The following PAG1 variants were observed in gnomAD, a reference collection of about 807,000 sequenced individuals.
PAG1 encodes phosphoprotein associated with glycosphingolipid-enriched microdomains 1.
In PAG1, 23 loss-of-function variants were observed where a neutral mutation model predicts 31.7. The observed-to-expected ratio is 0.73, with a 90% CI of 0.52 to 1.03. PAG1 has a LOEUF of 1.03. Among genes scored for constraint, PAG1 ranks in the 50% least tolerant of loss-of-function variants. The pLI, the probability that PAG1 is intolerant of heterozygous loss-of-function variation, is 0.00. For missense variants in PAG1, 473 were observed against 540.7 expected (o/e 0.87, Z 1.24); for synonymous variants, 214 against 210.3 (o/e 1.02, Z -0.15).
intron 7 of PAG1, among the ~76,000 whole-genome samples, chr8:80,983,255 C>T (rs1409703331): frequency 1.3e-5 from 2 of 152,232 alleles, no homozygotes; most frequent in African/African-American, 4.8e-5. Context: ...CCCCTTGGAT[C>T]CTTTAACTCA....
chr8:81,005,402 A>T (rs928497626), intron 3 of PAG1, among the ~76,000 whole-genome samples: 2 of 152,214 alleles, frequency 1.3e-5, no homozygotes, highest in Non-Finnish European at 2.9e-5. Context: ...AGGTGGGGGA[A>T]ATCAGTACAA....
intron 1 of PAG1, 144 bp downstream of exon 1, chr8:81,111,447 G>A (rs1809771863): frequency 6.6e-6 from 1 of 152,546 alleles, no homozygotes; most frequent in Non-Finnish European, 1.5e-5. Context: ...CAGCTGCCTT[G>A]TCCCCTTCTT....
chr8:81,074,364 A>G (rs989556884), intron 1 of PAG1, among the ~76,000 whole-genome samples: 1 of 152,182 alleles, frequency 6.6e-6, no homozygotes, highest in Non-Finnish European at 1.5e-5. Context: ...GGTGGATGCA[A>G]AAGAATAATT....
At chr8:81,025,081 G>T (rs1341166753) in intron 3 of PAG1, among the ~76,000 whole-genome samples, 6 of 152,028 alleles carry the variant, frequency 3.9e-5, no homozygotes, top group African/African-American at 1.4e-4. Context: ...AAAGGGACTG[G>T]AATTTAGAGA....
chr8:81,093,610 G>A (rs980450036), intron 1 of PAG1, among the ~76,000 whole-genome samples: 1 of 151,676 alleles, frequency 6.6e-6, no homozygotes, highest in African/African-American at 2.4e-5. Flanking sequence ...ATCATGTCTT[G>A]TATGCCATAC....
At chr8:80,999,615 C>T (rs1298174165) in intron 3 of PAG1, among the ~76,000 whole-genome samples, 1 of 152,186 alleles carries the variant, frequency 6.6e-6, no homozygotes, top group Non-Finnish European at 1.5e-5. Flanking sequence ...GTCAGCATAA[C>T]CTGGTCACTT....
chr8:81,065,383 A>G (rs769891761), intron 2 of PAG1, among the ~76,000 whole-genome samples: 2 of 152,032 alleles, frequency 1.3e-5, no homozygotes, highest in Non-Finnish European at 2.9e-5. Context: ...GTCCTGATGT[A>G]TGGAAGTCTA....
chr8:81,001,945 C>G (rs557845628), intron 3 of PAG1, among the ~76,000 whole-genome samples: 1 of 152,328 alleles, frequency 6.6e-6, no homozygotes, highest in East Asian at 1.9e-4. Flanking sequence ...CTTAACTTCA[C>G]TCTATCAGGA....
chr8:80,986,421 A>G (rs887213343), intron 6 of PAG1, among the ~76,000 whole-genome samples: 3 of 152,184 alleles, frequency 2.0e-5, no homozygotes, highest in Non-Finnish European at 4.4e-5. Context: ...AGGTAAAAGC[A>G]TGGTGTAAAC....
chr8:81,088,949 T>C (rs1224739681), intron 1 of PAG1, among the ~76,000 whole-genome samples: 1 of 152,234 alleles, frequency 6.6e-6, no homozygotes, highest in South Asian at 2.1e-4. Flanking sequence ...GAGAAAGCAT[T>C]GTACTACATT....
rs375205092 is a variant in PAG1 at position 81,093,703 on chromosome 8, A to G, written c.-234+17888T>C. Reference sequence around the variant, plus strand: ...AGACCAAGCAGCACAATATCCCCCTAGGGAAACCTGTGACAAGAAATCACC... The same window carrying G: ...AGACCAAGCAGCACAATATCCCCCTGGGGAAACCTGTGACAAGAAATCACC... On this transcript the variant is annotated intron_variant, in intron 1 of 8. Coordinates refer to ENST00000220597, the MANE Select transcript of PAG1 (RefSeq NM_018440.4). Among the ~76,000 whole-genome samples the G allele has an allele frequency of 7.2e-5, 11 of 152,036 alleles. No homozygotes were observed. In the East Asian group the frequency reaches 1.5e-3, roughly 21 times the overall value.
At chr8:81,104,554 T>A (rs1290274247) in intron 1 of PAG1, among the ~76,000 whole-genome samples, 1 of 152,166 alleles carries the variant, frequency 6.6e-6, no homozygotes, top group Non-Finnish European at 1.5e-5. Context: ...GTCCTGAATG[T>A]CCCTCTGGTG....
chr8:80,982,192 T>C (rs1807321195), intron 7 of PAG1, among the ~76,000 whole-genome samples: 1 of 152,162 alleles, frequency 6.6e-6, no homozygotes, highest in Non-Finnish European at 1.5e-5. Context: ...AGCAAAATCT[T>C]TTAAAGAGTG....
chr8:81,035,335 G>A (rs1385313272), intron 2 of PAG1, among the ~76,000 whole-genome samples: 1 of 152,138 alleles, frequency 6.6e-6, no homozygotes, highest in Non-Finnish European at 1.5e-5. Flanking sequence ...CAAGGAGTAA[G>A]GATTATGGGA....
chr8:81,019,288 G>A (rs748579061), intron 3 of PAG1, among the ~76,000 whole-genome samples: 2 of 152,234 alleles, frequency 1.3e-5, no homozygotes, highest in Non-Finnish European at 2.9e-5. Flanking sequence ...CAAGCCAGCT[G>A]CAGAAATTTG....
intron 1 of PAG1, among the ~76,000 whole-genome samples, chr8:81,096,285 G>A (rs1357294270): frequency 2.0e-5 from 3 of 151,690 alleles, no homozygotes; most frequent in Non-Finnish European, 1.5e-5. Flanking sequence ...CCTTGCGTAT[G>A]GCCCTCTGGA....
At chr8:80,986,794 A>G (rs1358227263) in intron 6 of PAG1, among the ~76,000 whole-genome samples, 8 of 136,642 alleles carry the variant, frequency 5.9e-5, no homozygotes, top group Non-Finnish European at 1.1e-4. Flanking sequence ...AAGGGTCCCT[A>G]TAAGTGAATA....
chr8:81,089,004 A>C (rs1178330652), intron 1 of PAG1, among the ~76,000 whole-genome samples: 1 of 152,236 alleles, frequency 6.6e-6, no homozygotes, highest in East Asian at 1.9e-4. Flanking sequence ...TGATTTTTAC[A>C]AGTGGAGATT....
rs1809776724 is a variant in PAG1 at position 81,111,673 on chromosome 8, C to T, written c.-316G>A. 1 of 152,396 alleles carries T rather than the reference C, an allele frequency of 6.6e-6. No individual in the cohort carries two copies. Among genetic ancestry groups the T allele is most frequent in the South Asian group, 2.1e-4 (1 of 4,836 alleles). The allele number at this position is 152,396 out of a possible 1,614,324, so 9.4% of individuals were successfully genotyped here. ...AAACTCCGGCGCGCAGCGCCGCCGC[C>T]CCGGCACAGCCCGGCAGCAGCGGCA... On this transcript the variant is annotated 5_prime_UTR_variant, in exon 1 of 9. Transcript: ENST00000220597.
Sources: allele counts gnomAD v4.1 joint callset (sites outside exome capture counted in the v4.1 genomes callset), GRCh38; gene constraint gnomAD v4.1.1; transcripts MANE v1.5; gene names NCBI Gene and HGNC (gene_info 2026-07-23, HGNC 2026-07-21).